The following RAPGEF1 variants were observed in gnomAD, a reference collection of about 807,000 sequenced individuals.
The protein encoded by RAPGEF1 is Rap guanine nucleotide exchange factor 1, also known as CRK SH3-binding GNRP.
In RAPGEF1, 33 loss-of-function variants were observed where a neutral mutation model predicts 143.3. The observed-to-expected ratio is 0.23, with a 90% CI of 0.17 to 0.31. The LOEUF is 0.31. Among genes scored for constraint, RAPGEF1 ranks in the 10% least tolerant of loss-of-function variants. The probability of loss-of-function intolerance (pLI) is 1.00; values close to 1 mark genes in which losing one functional copy is unlikely to be tolerated. For missense variants in RAPGEF1, 1,199 were observed against 1,645.4 expected, an observed-to-expected ratio of 0.73 and a Z score of 4.69; for synonymous variants, 629 against 676.5, an observed-to-expected ratio of 0.93 and a Z score of 1.09.
Position 131,592,203 on chromosome 9 carries a change from C to G in RAPGEF1, c.2690-20G>C. The stretch of plus-strand genomic sequence containing the variant: ...CCAAATCTAGAGGGAAAAAACAATG[C>G]AAACTGCTTGTCTGGGTGCAGAGTG... On this transcript the variant is annotated intron_variant, in intron 17 of 26. Transcript: ENST00000683357. 1 of 1,568,458 alleles carries G rather than the reference C, an allele frequency of 6.4e-7. No homozygotes were observed. Among genetic ancestry groups the G allele is most frequent in the Non-Finnish European group, 8.8e-7 (1 of 1,139,344 alleles).
chr9:131,681,554 A>G (rs1408931583), intron 1 of RAPGEF1, among the ~76,000 whole-genome samples: 2 of 152,170 alleles, frequency 1.3e-5, no homozygotes, highest in Admixed American at 1.3e-4. Flanking sequence ...GATGATTCCT[A>G]CTGACTGGGA....
In RAPGEF1 at chr9:131,667,993, C is replaced by T. The variant is rs764642455; in HGVS notation, c.62-17044G>A. On this transcript the variant is annotated intron_variant, in intron 1 of 26. Coordinates refer to ENST00000683357, the MANE Select transcript of RAPGEF1 (RefSeq NM_001377935.1). This position sits in a 1 kb window ranked among gnomAD's most constrained non-coding sequence, Gnocchi z 4.6. ...ATATACTCCTTTTTGGGATAAATGC[C>T]ACCATCTTCAGTGGACAGCTGTTAT... is the stretch of plus-strand genomic sequence containing the variant. 6.6e-6 allele frequency among the ~76,000 whole-genome samples: 1 copy of T among 152,192 alleles called. No homozygotes were observed. Among genetic ancestry groups the T allele is most frequent in the Non-Finnish European group, 1.5e-5 (1 of 68,030 alleles).
At chr9:131,586,247 C>T (rs908147406) in intron 22 of RAPGEF1, among the ~76,000 whole-genome samples, 1 of 127,994 alleles carries the variant, frequency 7.8e-6, no homozygotes, top group African/African-American at 3.0e-5. Context: ...CAGAGCAAGA[C>T]TCTGTCTCAA....
rs141895313 is a variant in RAPGEF1 at position 131,636,760 on chromosome 9, C to T, written c.651+1875G>A. Among the ~76,000 whole-genome samples the T allele has an allele frequency of 1.7e-3, 257 of 152,334 alleles. 1 individual carries two copies. The highest frequency in any genetic ancestry group is 2.9e-3 in the Non-Finnish European group (200 of 68,022). On this transcript the variant is annotated intron_variant, in intron 5 of 26. Coordinates refer to ENST00000683357, the MANE Select transcript of RAPGEF1 (RefSeq NM_001377935.1). The stretch of plus-strand genomic sequence containing the variant: ...GCTGATAAAGCCCCAGGCCACGTTC[C>T]ACTCTGCTCTGCTGAACCCAGTGTG...
intron 1 of RAPGEF1, among the ~76,000 whole-genome samples, chr9:131,656,369 C>T (rs893710700): frequency 1.3e-5 from 2 of 152,200 alleles, no homozygotes; most frequent in Non-Finnish European, 2.9e-5. Flanking sequence ...GTCCCTACTC[C>T]ATGTCTTCTG....
rs746039033 is a variant in RAPGEF1 at position 131,626,057 on chromosome 9, G to A, written c.1567C>T (p.Pro523Ser). The A allele has an allele frequency of 3.1e-6, 5 of 1,613,804 alleles. No homozygotes were observed. The Admixed American group carries it at 8.3e-5, about 27-fold the overall frequency. Residue 523 changes from proline (P) to serine (S), a missense_variant, in exon 10 of 27, where the codon CCC becomes TCC. By Grantham distance (74) the Pro-to-Ser change is moderately conservative (BLOSUM62 -1). This residue lies in a region of RAPGEF1 where 613 missense variants were observed against 710.9 expected (regional missense o/e 0.86). Coordinates refer to ENST00000683357, the MANE Select transcript of RAPGEF1 (RefSeq NM_001377935.1). ...TAPIPSVPYA[P>S]FAAILPFQHG... Reference sequence around the variant, plus strand: ...TGAAAGGGCAGAATAGCAGCAAAGGGCGCGTAGGGGACGGATGGGATCGGG... The same window carrying A: ...TGAAAGGGCAGAATAGCAGCAAAGGACGCGTAGGGGACGGATGGGATCGGG...
chr9:131,579,207 T>G lies in RAPGEF1; in HGVS notation c.*290A>C. On this transcript the variant is annotated 3_prime_UTR_variant, in exon 27 of 27. Coordinates refer to ENST00000683357, the MANE Select transcript of RAPGEF1 (RefSeq NM_001377935.1). Reference sequence around the variant, plus strand: ...GGGTGGAAGGTCAAGAGGGGAGAGATGGAAGTAAAAGCAGAAAACAAAACC... The same window carrying G: ...GGGTGGAAGGTCAAGAGGGGAGAGAGGGAAGTAAAAGCAGAAAACAAAACC... 2.7e-6 allele frequency: 1 copy of G among 367,624 alleles called. No homozygotes were observed. The highest frequency in any genetic ancestry group is 5.0e-6 in the Non-Finnish European group (1 of 198,506). 22.8% of individuals were successfully genotyped at this position (367,624 alleles called of 1,614,324 possible). A position where few individuals can be genotyped will look rare whatever the true frequency, so the allele number is the denominator to read the frequency against.
intron 12 of RAPGEF1, among the ~76,000 whole-genome samples, chr9:131,612,015 G>C (rs1364109073): frequency 6.6e-6 from 1 of 152,192 alleles, no homozygotes; most frequent in East Asian, 1.9e-4. Context: ...TAGAACTGCA[G>C]TGAACCATTT....
intron 3 of RAPGEF1, among the ~76,000 whole-genome samples, chr9:131,644,423 G>A (rs989987000): frequency 2.0e-5 from 3 of 150,538 alleles, no homozygotes; most frequent in Admixed American, 1.3e-4. Context: ...GTAGTCTACA[G>A]AATGGATAAA....
chr9:131,587,690 G>A (rs371448797), intron 22 of RAPGEF1, 46 bp downstream of exon 22: 2 of 1,563,122 alleles, frequency 1.3e-6, no homozygotes, highest in Non-Finnish European at 8.8e-7. Context: ...CCACCCAGAC[G>A]TGCCACCATC....
intron 12 of RAPGEF1, among the ~76,000 whole-genome samples, chr9:131,605,664 G>A (rs1464837735): frequency 2.0e-5 from 3 of 152,080 alleles, no homozygotes; most frequent in Admixed American, 6.6e-5. Context: ...GGAAAGGAGC[G>A]GCACAAACCT....
At position 131,655,904 on chromosome 9, in the gene RAPGEF1, G is replaced by A. The variant is rs1464474761; in HGVS notation, c.62-4955C>T. 6.6e-6 allele frequency among the ~76,000 whole-genome samples: 1 copy of A among 152,080 alleles called. No homozygotes were observed. Among genetic ancestry groups the A allele is most frequent in the Non-Finnish European group, 1.5e-5 (1 of 68,010 alleles). On this transcript the variant is annotated intron_variant, in intron 1 of 26. Transcript: ENST00000683357. This position sits in a 1 kb window ranked among gnomAD's most constrained non-coding sequence, Gnocchi z 4.1. ...GCCCGGCCAAAAAATTTTCTAAAAGGGGGGTGTGCACTGGAGTCAGAATGT... is the reference window on the plus strand; with the variant it reads ...GCCCGGCCAAAAAATTTTCTAAAAGAGGGGTGTGCACTGGAGTCAGAATGT...
Position 131,619,080 on chromosome 9 carries a change from T to C in RAPGEF1, c.2032A>G (p.Ser678Gly), listed in dbSNP as rs778926563. The C allele has an allele frequency of 3.2e-5, 43 of 1,358,606 alleles. No individual in the cohort carries two copies. The Admixed American group carries it at 7.4e-4, about 23-fold the overall frequency. 84.2% of individuals were successfully genotyped at this position (1,358,606 alleles called of 1,614,324 possible). Residue 678 changes from serine to glycine, a missense_variant, in exon 12 of 27, where the codon AGC becomes GGC. By Grantham distance (56) the Ser-to-Gly change is moderately conservative (BLOSUM62 0). This residue lies in a region of RAPGEF1 where 293 missense variants were observed against 356.2 expected (regional missense o/e 0.82). Coordinates refer to ENST00000683357, the MANE Select transcript of RAPGEF1 (RefSeq NM_001377935.1). ...GGCACGGGCAAGCTGCCGTGCCGGC[T>C]GAGAAAGGAGTTAGAGACGGACACA... ...LSVSVSNSFL[S>G]RHGSLPVPSY...
intron 4 of RAPGEF1, among the ~76,000 whole-genome samples, chr9:131,639,494 A>G (rs1967201169): frequency 6.6e-6 from 1 of 151,382 alleles, no homozygotes; most frequent in Admixed American, 6.6e-5. Context: ...TACCAGCTAC[A>G]CTGTGATGCC....
At position 131,673,954 on chromosome 9, in the gene RAPGEF1, G is replaced by A. The variant is rs142550608; in HGVS notation, c.62-23005C>T. Among the ~76,000 whole-genome samples the A allele has an allele frequency of 2.6e-4, 40 of 152,318 alleles. No individual in the cohort carries two copies. The East Asian group carries it at 7.5e-3, about 29-fold the overall frequency. ...ATAATAAAAATATGGAACTCGGAGA[G>A]CTAGTAGACGTTTTTGCAAATGCAT... On this transcript the variant is annotated intron_variant, in intron 1 of 26. Coordinates refer to ENST00000683357, the MANE Select transcript of RAPGEF1 (RefSeq NM_001377935.1).
chr9:131,689,808 G>A (rs1833648974), intron 1 of RAPGEF1, among the ~76,000 whole-genome samples: 1 of 152,190 alleles, frequency 6.6e-6, no homozygotes, highest in Non-Finnish European at 1.5e-5. Flanking sequence ...AAAGTGCTAG[G>A]ATTACAGGCG....
Position 131,724,451 on chromosome 9 carries a change from T to C in RAPGEF1, c.61+15319A>G, listed in dbSNP as rs528601115. 2.9e-3 allele frequency among the ~76,000 whole-genome samples: 446 copies of C among 152,164 alleles called. 4 individuals are homozygous for C. The highest frequency in any genetic ancestry group is 0.01 in the African/African-American group (415 of 41,498). ...TCTACCAAAAATACAAAAAATTAGC[T>C]GGGCGTGGTGGCGGGCGCCTGTAGT... On this transcript the variant is annotated intron_variant, in intron 1 of 26. Transcript: ENST00000683357.
chr9:131,702,237 C>G (rs1348976564), intron 1 of RAPGEF1, among the ~76,000 whole-genome samples: 1 of 152,220 alleles, frequency 6.6e-6, no homozygotes, highest in African/African-American at 2.4e-5. Flanking sequence ...TGGGCTCACT[C>G]TGTCTCTTTC....
chr9:131,604,643 A>G (rs550398872), intron 13 of RAPGEF1, among the ~76,000 whole-genome samples: 1 of 152,296 alleles, frequency 6.6e-6, no homozygotes, highest in South Asian at 2.1e-4. Context: ...TCCTCTCTAA[A>G]TGGCCACTAA....
Sources: allele counts gnomAD v4.1 joint callset (sites outside exome capture counted in the v4.1 genomes callset), GRCh38; gene constraint gnomAD v4.1.1; regional missense constraint gnomAD v4.1.1; non-coding constraint Gnocchi (gnomAD v3.1); transcripts MANE v1.5; gene names NCBI Gene and HGNC (gene_info 2026-07-23, HGNC 2026-07-21).